HUWE1: variants seen among roughly 807,000 people sequenced by gnomAD.
The protein encoded by HUWE1 is HECT, UBA and WWE domain containing E3 ubiquitin protein ligase 1.
Under a neutral mutation model 299.4 loss-of-function variants are expected in HUWE1, and 18 were observed. That is an observed-to-expected ratio of 0.06 (90% CI 0.04 to 0.09). The LOEUF is 0.09. Ranked by LOEUF, HUWE1 falls within the 10% of genes least tolerant of loss-of-function variation. The pLI is 1.00. For missense variants in HUWE1, 1,832 were observed against 3,462.3 expected, an observed-to-expected ratio of 0.53 and a Z score of 11.82; for synonymous variants, 1,317 against 1,286.1, an observed-to-expected ratio of 1.02 and a Z score of -0.51.
chrX:53,647,597 G>A (rs782206488), intron 5 of HUWE1, 23 bp from the exon 6 acceptor site: 11 of 1,121,892 alleles, frequency 9.8e-6, no homozygotes, highest in South Asian at 3.6e-5. Context: ...GGAAAAAGAG[G>A]ATGTAAGAAT....
At chrX:53,601,492 T>G (rs929293829) in intron 28 of HUWE1, among the ~76,000 whole-genome samples, 2 of 109,320 alleles carry the variant, frequency 1.8e-5, no homozygotes, top group Admixed American at 9.7e-5. Flanking sequence ...CCTGATGCAT[T>G]TTTATACACA....
rs2061042757 is a variant in HUWE1 at position 53,536,005 on chromosome X, A to T, written c.12531+142T>A. On this transcript the variant is annotated intron_variant, in intron 80 of 83. Coordinates refer to ENST00000262854, the MANE Select transcript of HUWE1 (RefSeq NM_031407.7). ...GGTTTTCCTGTTTGTGATGTCACTC[A>T]CAAACACCTGCTACAGCTTTAAGAA... is the stretch of plus-strand genomic sequence containing the variant. 1.2e-5 allele frequency: 6 copies of T among 482,240 alleles called. No individual in the cohort carries two copies. In the East Asian group the frequency reaches 2.3e-4, roughly 19 times the overall value. The allele number at this position is 482,240 out of a possible 1,213,427, so 39.7% of individuals were successfully genotyped here. A position where few individuals can be genotyped will look rare whatever the true frequency, so the allele number is the denominator to read the frequency against.
chrX:53,610,274 C>A (rs1021441692), intron 23 of HUWE1, among the ~76,000 whole-genome samples: 4 of 111,726 alleles, frequency 3.6e-5, no homozygotes, highest in Non-Finnish European at 7.5e-5. Context: ...GACCTATATG[C>A]CCCCTTCATT....
intron 58 of HUWE1, 75 bp downstream of exon 58, chrX:53,558,896 G>A: frequency 2.5e-6 from 3 of 1,176,630 alleles, no homozygotes; most frequent in South Asian, 3.6e-5. Context: ...CAGAGAACCA[G>A]GGAAACAACT....
chrX:53,642,889 C>T (rs190614447), intron 7 of HUWE1, among the ~76,000 whole-genome samples: 13 of 112,363 alleles, frequency 1.2e-4, no homozygotes, highest in Non-Finnish European at 3.8e-5. Context: ...CATTTTTAAT[C>T]TACCATGGGT....
Position 53,560,392 on chromosome X carries a change from T to A in HUWE1, c.7532A>T (p.Asn2511Ile). The change falls in exon 56 of 84, where the codon AAT (asparagine) becomes ATT (isoleucine). Residue 2511 changes from asparagine to isoleucine, a missense_variant. Asn to Ile is a moderately radical substitution (Grantham distance 149). Coordinates refer to ENST00000262854, the MANE Select transcript of HUWE1 (RefSeq NM_031407.7). ...SATDIPPSPG[N>I]IPTTHPLMVR... is the part of the protein sequence containing the mutation. ...CATCAGTGGATGGGTGGTAGGGATA[T>A]TTCCTGGGGATGGGGGGATGTCTGC... 1 of 1,211,065 alleles carries A rather than the reference T, an allele frequency of 8.3e-7. No homozygotes were observed. The highest frequency in any genetic ancestry group is 1.8e-5 in the South Asian group (1 of 56,959).
intron 2 of HUWE1, among the ~76,000 whole-genome samples, chrX:53,685,979 G>A (rs1156634837): frequency 8.9e-6 from 1 of 112,352 alleles, no homozygotes; most frequent in African/African-American, 3.2e-5. Context: ...ATACAATGCA[G>A]CTGTTTAAAA....
intron 56 of HUWE1, 143 bp from the exon 57 acceptor site, chrX:53,559,675 A>AT (rs1556938978): frequency 3.6e-6 from 2 of 551,397 alleles, no homozygotes; most frequent in Admixed American, 5.8e-5. Flanking sequence ...AGTCTAAGTT[A>AT]TTTTTCTGAA....
intron 6 of HUWE1, among the ~76,000 whole-genome samples, chrX:53,646,634 A>G (rs2068069830): frequency 9.0e-6 from 1 of 111,574 alleles, no homozygotes; most frequent in African/African-American, 3.3e-5. Flanking sequence ...CAGACTGCCT[A>G]TTTACCTCCC....
At position 53,634,024 on chromosome X, in the gene HUWE1, AT is replaced by A. The variant is rs782256000; in HGVS notation, c.567+211del. Among the ~76,000 whole-genome samples the A allele has an allele frequency of 0.011, 1,192 of 111,884 alleles. 22 individuals carry two copies. Among genetic ancestry groups the A allele is most frequent in the African/African-American group, 0.037 (1,145 of 30,740 alleles). On this transcript the variant is annotated intron_variant, in intron 8 of 83. Coordinates refer to ENST00000262854, the MANE Select transcript of HUWE1 (RefSeq NM_031407.7). ...TATGAACACACACTCTATTTCTCAG[AT>A]TTTTTTATCTACCACCAGCACATCA...
intron 29 of HUWE1, among the ~76,000 whole-genome samples, chrX:53,595,604 G>A (rs1301677967): frequency 8.9e-6 from 1 of 111,978 alleles, no homozygotes; most frequent in Non-Finnish European, 1.9e-5. Context: ...GTAGGAGACA[G>A]ATATGTGGCA....
At chrX:53,673,640 T>C (rs1282657628) in intron 3 of HUWE1, among the ~76,000 whole-genome samples, 1 of 111,894 alleles carries the variant, frequency 8.9e-6, no homozygotes, top group Non-Finnish European at 1.9e-5. Flanking sequence ...TACTTAGGCG[T>C]AGAATTTTCC....
At chrX:53,645,744 T>A (rs1253545305) in intron 6 of HUWE1, among the ~76,000 whole-genome samples, 416 of 16,602 alleles carry the variant, frequency 0.025, 9 homozygotes, top group African/African-American at 0.1. Context: ...AAAATATATA[T>A]ATATATATAT....
At chrX:53,573,292 C>T (rs934827201) in intron 47 of HUWE1, among the ~76,000 whole-genome samples, 3 of 111,260 alleles carry the variant, frequency 2.7e-5, no homozygotes, top group Non-Finnish European at 5.7e-5. Flanking sequence ...GGCAGGTGTA[C>T]GATGGTGCGA....
chrX:53,533,103 A>G lies in HUWE1; in HGVS notation c.*206T>C, dbSNP rs782552578. The G allele has an allele frequency of 8.5e-5, 37 of 432,867 alleles. No homozygotes were observed. The highest frequency in any genetic ancestry group is 6.1e-4 in the Middle Eastern group (1 of 1,647). The allele number at this position is 432,867 out of a possible 1,213,427, so 35.7% of individuals were successfully genotyped here. The stretch of plus-strand genomic sequence containing the variant: ...ATCATGGACGGCATGGAAAGGGGAG[A>G]GAAGGTGAGGAAACAGGCGGCGGGG... On this transcript the variant is annotated 3_prime_UTR_variant, in exon 84 of 84. Coordinates refer to ENST00000262854, the MANE Select transcript of HUWE1 (RefSeq NM_031407.7).
At chrX:53,675,801 A>C (rs1171054433) in intron 3 of HUWE1, among the ~76,000 whole-genome samples, 1 of 111,721 alleles carries the variant, frequency 9.0e-6, no homozygotes, top group Non-Finnish European at 1.9e-5. Context: ...AAATGTGTTA[A>C]CAGTGGTGAT....
intron 6 of HUWE1, among the ~76,000 whole-genome samples, chrX:53,645,736 A>AATATAT (rs1175668846): frequency 3.4e-4 from 9 of 26,129 alleles, no homozygotes; most frequent in African/African-American, 1.4e-3. Flanking sequence ...AAAAAAAAAA[A>AATATAT]ATATATATAT....
chrX:53,635,450 C>A (rs1320720515), intron 7 of HUWE1, among the ~76,000 whole-genome samples: 1 of 110,397 alleles, frequency 9.1e-6, no homozygotes, highest in Non-Finnish European at 1.9e-5. Context: ...TGCCACACAG[C>A]TAGGACTACA....
chrX:53,539,320 T>TAAAAAAAAAAAAAAA (rs34154526), intron 75 of HUWE1, among the ~76,000 whole-genome samples: 1 of 52,843 alleles, frequency 1.9e-5, no homozygotes, highest in Non-Finnish European at 3.4e-5. Context: ...ATTTCTGATT[T>TAAAAAAAAAAAAAAA]AAAAAAAAAA....
Sources: gnomAD v4.1 joint callset for allele counts (sites outside exome capture counted in the v4.1 genomes callset) on GRCh38, gnomAD v4.1.1 for gene constraint, MANE v1.5 for transcripts, NCBI Gene and HGNC (gene_info 2026-07-23, HGNC 2026-07-21) for gene names.